PRMT3: variants seen among roughly 807,000 people sequenced by gnomAD.
PRMT3 encodes protein arginine methyltransferase 3.
Under a neutral mutation model 71.9 loss-of-function variants are expected in PRMT3, and 62 were observed. That is an observed-to-expected ratio of 0.86 (90% confidence interval 0.70 to 1.07). The LOEUF is 1.07. Ranked by LOEUF, PRMT3 falls within the 50% of genes least tolerant of loss-of-function variation. The pLI is 0.00. For synonymous variants in PRMT3, 213 were observed against 220.4 expected (o/e 0.97, Z 0.30); for missense variants, 663 against 643.0 (o/e 1.03, Z -0.34).
chr11:20,479,899 C>T (rs1432520269), intron 13 of PRMT3, among the ~76,000 whole-genome samples: 1 of 152,078 alleles, frequency 6.6e-6, no homozygotes, highest in African/African-American at 2.4e-5. Flanking sequence ...TCCATTGCGG[C>T]CTTCCTCAGC....
chr11:20,481,742 A>T (rs1850942203), intron 13 of PRMT3, among the ~76,000 whole-genome samples: 1 of 152,082 alleles, frequency 6.6e-6, no homozygotes. Flanking sequence ...TTTGAAGTCC[A>T]GGTGCACCTT....
chr11:20,436,481 G>C (rs1464301443), intron 10 of PRMT3, among the ~76,000 whole-genome samples: 1 of 152,146 alleles, frequency 6.6e-6, no homozygotes, highest in Non-Finnish European at 1.5e-5. Flanking sequence ...AACTTGTTGA[G>C]AGTATTTATC....
chr11:20,409,142 A>C (rs539999662), intron 9 of PRMT3, among the ~76,000 whole-genome samples: 1 of 152,298 alleles, frequency 6.6e-6, no homozygotes, highest in South Asian at 2.1e-4. Flanking sequence ...TTTTCTGATT[A>C]GTTTAAAAAT....
intron 8 of PRMT3, chr11:20,407,158 A>C (rs1849089026): frequency 6.6e-6 from 1 of 152,186 alleles, no homozygotes; most frequent in South Asian, 2.1e-4. Flanking sequence ...TGATCTTCCC[A>C]GACAGTATCA....
intron 13 of PRMT3, among the ~76,000 whole-genome samples, chr11:20,488,968 T>C (rs1851143965): frequency 6.6e-6 from 1 of 152,170 alleles, no homozygotes; most frequent in South Asian, 2.1e-4. Context: ...CTGAAACTAT[T>C]ACATGCTGAG....
At chr11:20,496,856 G>T (rs1397843656) in intron 15 of PRMT3, among the ~76,000 whole-genome samples, 1 of 152,152 alleles carries the variant, frequency 6.6e-6, no homozygotes, top group Non-Finnish European at 1.5e-5. Context: ...GCAGCACCTT[G>T]TCATTTTCTC....
At position 20,452,203 on chromosome 11, in the gene PRMT3, G is replaced by C. The variant is rs762915485; in HGVS notation, c.1067G>C (p.Gly356Ala). 2 of 1,599,014 alleles carry C rather than the reference G, an allele frequency of 1.3e-6. No individual in the cohort carries two copies. Among genetic ancestry groups the C allele is most frequent in the Non-Finnish European group, 8.6e-7 (1 of 1,166,816 alleles). The change falls in exon 11 of 16, where the codon GGC becomes GCC. Residue 356 changes from glycine to alanine, a missense_variant. Transcript: ENST00000331079. Reference sequence around the variant, plus strand: ...AAGAACAAATACTTGGCAAAAGGAGGCTCGGGTGAGTATAAAATTCTGGTT... The same window carrying C: ...AAGAACAAATACTTGGCAAAAGGAGCCTCGGGTGAGTATAAAATTCTGGTT... ...YAKNKYLAKG[G>A]SVYPDICTIS...
chr11:20,393,162 T>C (rs1192675262), intron 5 of PRMT3, among the ~76,000 whole-genome samples, 163 bp downstream of exon 5: 1 of 152,210 alleles, frequency 6.6e-6, no homozygotes, highest in African/African-American at 2.4e-5. Flanking sequence ...TAAAAACTAA[T>C]AGTCGGCCAG....
chr11:20,421,409 C>G (rs538706072), intron 9 of PRMT3, among the ~76,000 whole-genome samples: 80 of 152,292 alleles, frequency 5.3e-4, no homozygotes, highest in African/African-American at 1.9e-3. Context: ...AAAATTCACC[C>G]TGGGGATGAA....
At chr11:20,422,219 G>A (rs1357011429) in intron 9 of PRMT3, among the ~76,000 whole-genome samples, 2 of 152,040 alleles carry the variant, frequency 1.3e-5, no homozygotes, top group African/African-American at 4.8e-5. Flanking sequence ...TATGCCAGTA[G>A]TAAATGTTGA....
chr11:20,463,140 G>A lies in PRMT3; in HGVS notation c.1260+973G>A, dbSNP rs548113189. On this transcript the variant is annotated intron_variant, in intron 12 of 15. Transcript: ENST00000331079. ...CGGCCTCCCGAAGTGCTGTCTTCTC[G>A]TTTTAATCACGCTGTTACTTTCATA... Among the ~76,000 whole-genome samples the A allele has an allele frequency of 2.0e-5, 3 of 152,246 alleles. No individual in the cohort carries two copies. The South Asian group carries it at 6.2e-4, about 32-fold the overall frequency.
At chr11:20,469,414 C>T (rs928386338) in intron 13 of PRMT3, among the ~76,000 whole-genome samples, 17 of 152,096 alleles carry the variant, frequency 1.1e-4, no homozygotes, top group East Asian at 1.9e-4. Flanking sequence ...AAGGTATGTT[C>T]GTTCATAATT....
chr11:20,466,831 A>G (rs1340325088), intron 13 of PRMT3, among the ~76,000 whole-genome samples: 1 of 152,236 alleles, frequency 6.6e-6, no homozygotes, highest in Admixed American at 6.5e-5. Flanking sequence ...TGAACTTTTA[A>G]TATTGAAGAA....
intron 10 of PRMT3, among the ~76,000 whole-genome samples, chr11:20,429,469 C>T (rs1376011613): frequency 6.6e-6 from 1 of 152,182 alleles, no homozygotes; most frequent in Non-Finnish European, 1.5e-5. Context: ...TAAAGAACAC[C>T]TTTCACTTCA....
Position 20,493,980 on chromosome 11 carries a change from T to C in PRMT3, c.1398+11T>C, listed in dbSNP as rs1851273203. ...AATTGCCACAACAGGGTAAGTATCATGAATTATCTCATAAGAATTAATTAT... is the reference window on the plus strand; with the variant it reads ...AATTGCCACAACAGGGTAAGTATCACGAATTATCTCATAAGAATTAATTAT... On this transcript the variant is annotated intron_variant, in intron 14 of 15. Coordinates refer to ENST00000331079, the MANE Select transcript of PRMT3 (RefSeq NM_005788.4). The C allele has an allele frequency of 6.4e-7, 1 of 1,564,472 alleles. No homozygotes were observed.
In PRMT3 at chr11:20,402,817, A is replaced by G. The variant is rs181761412; in HGVS notation, c.706-102A>G. 5.0e-3 allele frequency: 4,048 copies of G among 803,744 alleles called. 18 individuals carry two copies. Among genetic ancestry groups the G allele is most frequent in the Non-Finnish European group, 6.3e-3 (3,195 of 508,088 alleles). The allele number at this position is 803,744 out of a possible 1,614,324, so 49.8% of individuals were successfully genotyped here. ...TGGTATCCCAGGTATAAAAACTGCT[A>G]TGGAAACTAGCAATGTGTGTTAATA... is the stretch of plus-strand genomic sequence containing the variant. On this transcript the variant is annotated intron_variant, in intron 7 of 15. Transcript: ENST00000331079.
intron 9 of PRMT3, among the ~76,000 whole-genome samples, chr11:20,419,875 A>C (rs1849388044): frequency 6.6e-6 from 1 of 152,220 alleles, no homozygotes; most frequent in African/African-American, 2.4e-5. Context: ...TCCTAATAAA[A>C]ATATTGGAAA....
intron 15 of PRMT3, among the ~76,000 whole-genome samples, chr11:20,507,919 C>A (rs1311592299): frequency 6.6e-6 from 1 of 151,998 alleles, no homozygotes; most frequent in African/African-American, 2.4e-5. Flanking sequence ...CCAGCCTGGC[C>A]AACATGGTGA....
At chr11:20,446,649 T>G (rs1850036974) in intron 10 of PRMT3, among the ~76,000 whole-genome samples, 1 of 152,184 alleles carries the variant, frequency 6.6e-6, no homozygotes, top group South Asian at 2.1e-4. Flanking sequence ...GTGGGCAGTT[T>G]GATGATACAT....
Sources: allele counts gnomAD v4.1 joint callset (sites outside exome capture counted in the v4.1 genomes callset), GRCh38; gene constraint gnomAD v4.1.1; transcripts MANE v1.5; gene names NCBI Gene and HGNC (gene_info 2026-07-23, HGNC 2026-07-21).